The following CCSER1 variants were observed in gnomAD, a reference collection of about 807,000 sequenced individuals.
CCSER1 encodes the protein serine-rich coiled-coil domain-containing protein 1.
Under a neutral mutation model 82.0 loss-of-function variants are expected in CCSER1, and 41 were observed. The observed-to-expected ratio is 0.50, with a 90% confidence interval of 0.39 to 0.65. The LOEUF (loss-of-function observed/expected upper bound fraction) is 0.65, where lower values mean the gene tolerates loss of function less well. Ranked by LOEUF, CCSER1 falls within the 30% of genes least tolerant of loss-of-function variation. The pLI is 0.00. For missense variants in CCSER1, 1,119 were observed against 1,064.2 expected, an observed-to-expected ratio of 1.05 and a Z score of -0.72; for synonymous variants, 414 against 383.9, an observed-to-expected ratio of 1.08 and a Z score of -0.92.
chr4:91,078,750 C>G (rs570255386), intron 9 of CCSER1, among the ~76,000 whole-genome samples: 2 of 152,240 alleles, frequency 1.3e-5, no homozygotes, highest in East Asian at 3.9e-4. Context: ...CCTGATGGAG[C>G]TGAAAACCAT....
chr4:90,686,459 C>A (rs1734832241), intron 6 of CCSER1, among the ~76,000 whole-genome samples: 1 of 151,856 alleles, frequency 6.6e-6, no homozygotes, highest in Admixed American at 6.6e-5. Context: ...ATTATCCCAT[C>A]TCTGCTTGCT....
At chr4:91,522,806 A>G (rs1228390031) in intron 10 of CCSER1, among the ~76,000 whole-genome samples, 1 of 152,206 alleles carries the variant, frequency 6.6e-6, no homozygotes, top group Non-Finnish European at 1.5e-5. Context: ...ATATACAATC[A>G]TGTCATCTGC....
intron 9 of CCSER1, among the ~76,000 whole-genome samples, chr4:91,068,233 A>T (rs1721047022): frequency 6.6e-6 from 1 of 152,216 alleles, no homozygotes; most frequent in Admixed American, 6.5e-5. Context: ...ATGCAGTTAA[A>T]TTGAAGTAGA....
At chr4:90,633,670 A>G (rs1312341801) in intron 6 of CCSER1, among the ~76,000 whole-genome samples, 1 of 151,900 alleles carries the variant, frequency 6.6e-6, no homozygotes, top group Non-Finnish European at 1.5e-5. Flanking sequence ...AAAACCACAA[A>G]TCAGTTAATC....
At position 90,276,566 on chromosome 4, in the gene CCSER1, G is replaced by A. The variant is rs1231135019; in HGVS notation, c.-41-31678G>A. 3.3e-5 allele frequency among the ~76,000 whole-genome samples: 5 copies of A among 151,782 alleles called. No individual in the cohort carries two copies. The East Asian group carries it at 7.8e-4, about 24-fold the overall frequency. ...TCACCATGTTGGTCAGGCTGGTCTC[G>A]AAATCCTGGCCTCAGTTGATCCACC... On this transcript the variant is annotated intron_variant, in intron 1 of 10. Coordinates refer to ENST00000509176, the MANE Select transcript of CCSER1 (RefSeq NM_001145065.2).
At chr4:90,962,809 G>A (rs1734177633) in intron 9 of CCSER1, among the ~76,000 whole-genome samples, 1 of 152,048 alleles carries the variant, frequency 6.6e-6, no homozygotes. Flanking sequence ...TGTAGCCAGA[G>A]TGTGCATGTT....
chr4:91,048,015 A>T (rs1742663805), intron 9 of CCSER1, among the ~76,000 whole-genome samples: 1 of 151,950 alleles, frequency 6.6e-6, no homozygotes, highest in East Asian at 1.9e-4. Context: ...CTCCTATCTC[A>T]AAAAAAGTCC....
chr4:90,780,036 G>T (rs1367806070), intron 7 of CCSER1, among the ~76,000 whole-genome samples: 1 of 152,166 alleles, frequency 6.6e-6, no homozygotes, highest in Non-Finnish European at 1.5e-5. Flanking sequence ...TAGTCACCTT[G>T]TTATATAAGA....
Position 90,468,262 on chromosome 4 carries a change from C to T in CCSER1, c.1632C>T (p.Val544=), listed in dbSNP as rs761834835. The T allele has an allele frequency of 5.6e-6, 9 of 1,607,012 alleles. No individual in the cohort carries two copies. The highest frequency in any genetic ancestry group is 5.3e-5 in the African/African-American group (4 of 74,888). ...GCCGGGAGGACTCATATCACTCTGT[C>T]GTCTCATGTGCCGCAGTAGTTCTTA... is the stretch of plus-strand genomic sequence containing the variant. ...SVCREDSYHS[V]VSCAAVVLTP... The change falls in exon 5 of 11, where the codon GTC becomes GTT. Residue 544 remains valine, a synonymous_variant. Coordinates refer to ENST00000509176, the MANE Select transcript of CCSER1 (RefSeq NM_001145065.2).
intron 10 of CCSER1, among the ~76,000 whole-genome samples, chr4:91,566,137 A>G (rs1762875480): frequency 6.6e-6 from 1 of 152,068 alleles, no homozygotes; most frequent in Non-Finnish European, 1.5e-5. Flanking sequence ...TTCTGTGTCT[A>G]TTGAGATAAT....
intron 10 of CCSER1, among the ~76,000 whole-genome samples, chr4:91,361,446 A>C (rs574230932): frequency 3.9e-5 from 6 of 151,972 alleles, no homozygotes; most frequent in Admixed American, 1.3e-4. Flanking sequence ...CTGAAGTAGG[A>C]GATGATTAGA....
chr4:91,093,955 G>A (rs1724236066), intron 10 of CCSER1, among the ~76,000 whole-genome samples: 2 of 152,218 alleles, frequency 1.3e-5, no homozygotes, highest in South Asian at 2.1e-4. Context: ...GTTTCGGTAA[G>A]CTGCAGATGA....
At chr4:91,176,307 T>C (rs1733350008) in intron 10 of CCSER1, among the ~76,000 whole-genome samples, 1 of 152,134 alleles carries the variant, frequency 6.6e-6, no homozygotes, top group Non-Finnish European at 1.5e-5. Flanking sequence ...GGCAATGTGG[T>C]CTCTTTTTTG....
At chr4:90,860,733 A>G (rs548714948) in intron 8 of CCSER1, among the ~76,000 whole-genome samples, 1 of 151,870 alleles carries the variant, frequency 6.6e-6, no homozygotes, top group South Asian at 2.1e-4. Context: ...AAACTTGAAA[A>G]TACGCAAAGT....
At chr4:90,554,505 A>C (rs1348074688) in intron 5 of CCSER1, among the ~76,000 whole-genome samples, 1 of 152,356 alleles carries the variant, frequency 6.6e-6, no homozygotes, top group South Asian at 2.1e-4. Flanking sequence ...ACAATTGAGG[A>C]GTATCAATTA....
At chr4:90,258,598 A>G (rs1723765118) in intron 1 of CCSER1, among the ~76,000 whole-genome samples, 1 of 152,222 alleles carries the variant, frequency 6.6e-6, no homozygotes, top group Non-Finnish European at 1.5e-5. Flanking sequence ...TAAAATACAC[A>G]AAGTTCCTTA....
intron 7 of CCSER1, chr4:90,780,358 C>A (rs1284890848): frequency 2.9e-6 from 4 of 1,358,704 alleles, no homozygotes; most frequent in Non-Finnish European, 4.1e-6. Flanking sequence ...ATTTAAGTTT[C>A]ATTGATGATC....
intron 9 of CCSER1, among the ~76,000 whole-genome samples, chr4:90,989,372 T>G (rs1480196536): frequency 6.6e-6 from 1 of 151,796 alleles, no homozygotes; most frequent in Non-Finnish European, 1.5e-5. Flanking sequence ...GCCCTTTATC[T>G]GAGTTAATGA....
intron 3 of CCSER1, among the ~76,000 whole-genome samples, chr4:90,384,064 C>G (rs1749627048): frequency 6.6e-6 from 1 of 151,828 alleles, no homozygotes; most frequent in Non-Finnish European, 1.5e-5. Context: ...CCCAGCCAAG[C>G]TGTTTAGTTT....
Sources: allele counts gnomAD v4.1 joint callset (sites outside exome capture counted in the v4.1 genomes callset), GRCh38; gene constraint gnomAD v4.1.1; transcripts MANE v1.5; gene names NCBI Gene and HGNC (gene_info 2026-07-23, HGNC 2026-07-21).